The following FBXO10 variants were observed in gnomAD, a reference collection of about 807,000 sequenced individuals.
FBXO10 encodes the protein F-box protein 10.
Under a neutral mutation model 80.7 loss-of-function variants are expected in FBXO10, and 39 were observed. That is an observed-to-expected ratio of 0.48 (90% CI 0.37 to 0.63). The LOEUF (loss-of-function observed/expected upper bound fraction) is 0.63, where lower values mean the gene tolerates loss of function less well. Ranked by LOEUF, FBXO10 falls within the 30% of genes least tolerant of loss-of-function variation. The probability of loss-of-function intolerance (pLI) is 0.00; values close to 1 mark genes in which losing one functional copy is unlikely to be tolerated. For synonymous variants in FBXO10, 449 were observed against 489.6 expected, an observed-to-expected ratio of 0.92 and a Z score of 1.09; for missense variants, 1,025 against 1,269.0, an observed-to-expected ratio of 0.81 and a Z score of 2.92.
intron 8 of FBXO10, among the ~76,000 whole-genome samples, chr9:37,519,890 T>C (rs1821283687): frequency 7.1e-6 from 1 of 141,772 alleles, no homozygotes; most frequent in Admixed American, 7.2e-5. Context: ...CCATCATAGC[T>C]CACTGCAACC....
rs1420436362 is a variant in FBXO10, at chr9:37,512,107, G to A, written c.*440C>T. On this transcript the variant is annotated 3_prime_UTR_variant, in exon 11 of 11. Transcript: ENST00000432825. ...GGGTCCCTGGAGGGATTGAGAGGGA[G>A]ACAGCTCTAGCAAAGGGGAAAATTC... 1 of 153,024 alleles carries A rather than the reference G, an allele frequency of 6.5e-6. No individual in the cohort carries two copies. The highest frequency in any genetic ancestry group is 1.5e-5 in the Non-Finnish European group (1 of 68,700). The allele number at this position is 153,024 out of a possible 1,614,324, so 9.5% of individuals were successfully genotyped here. A position where few individuals can be genotyped will look rare whatever the true frequency, so the allele number is the denominator to read the frequency against.
chr9:37,518,120 C>G lies in FBXO10; in HGVS notation c.2514+5G>C. The G allele has an allele frequency of 6.2e-7, 1 of 1,608,324 alleles. No homozygotes were observed. The highest frequency in any genetic ancestry group is 8.5e-7 in the Non-Finnish European group (1 of 1,176,882). On this transcript the variant is annotated splice_donor_5th_base_variant and intron_variant, in intron 9 of 10. Transcript: ENST00000432825. ...CACACGTCACACACATGCAGACATA[C>G]TCACTTTAGTGTCGGACCTGGGCAG...
At position 37,527,125 on chromosome 9, in the gene FBXO10, A is replaced by G. The variant is rs1821497347; in HGVS notation, c.1707-1953T>C. ...CTCGGCCTCCCAAAGTGTTGGGATTACAGGCATGAGGCACCGCCCCGGCCC... is the reference window on the plus strand; with the variant it reads ...CTCGGCCTCCCAAAGTGTTGGGATTGCAGGCATGAGGCACCGCCCCGGCCC... On this transcript the variant is annotated intron_variant, in intron 5 of 10. Coordinates refer to ENST00000432825, the MANE Select transcript of FBXO10 (RefSeq NM_012166.3). 2.0e-5 allele frequency among the ~76,000 whole-genome samples: 3 copies of G among 152,164 alleles called. No homozygotes were observed. The South Asian group carries it at 6.2e-4, about 32-fold the overall frequency.
chr9:37,530,841 A>G (rs1821603018), intron 4 of FBXO10, among the ~76,000 whole-genome samples: 1 of 152,002 alleles, frequency 6.6e-6, no homozygotes, highest in South Asian at 2.1e-4. Flanking sequence ...GGGTCTTGCT[A>G]TGTTGCCCAG....
chr9:37,548,938 CGGGG>C (rs1563882837), intron 1 of FBXO10, among the ~76,000 whole-genome samples: 1 of 152,046 alleles, frequency 6.6e-6, no homozygotes, highest in African/African-American at 2.4e-5. Context: ...TTAGTACAGA[CGGGG>C]TTTCACCGTA....
At chr9:37,532,709 G>T (rs1821661112) in intron 3 of FBXO10, among the ~76,000 whole-genome samples, 1 of 152,158 alleles carries the variant, frequency 6.6e-6, no homozygotes, top group Non-Finnish European at 1.5e-5. Flanking sequence ...TTCAGAACCT[G>T]CAAGCAGCAT....
intron 3 of FBXO10, among the ~76,000 whole-genome samples, chr9:37,536,667 G>A (rs1276095575): frequency 3.3e-5 from 5 of 152,046 alleles, no homozygotes; most frequent in Admixed American, 3.3e-4. Context: ...CTTATCACGT[G>A]TCCAATTTTC....
intron 1 of FBXO10, among the ~76,000 whole-genome samples, chr9:37,557,077 G>A (rs891700870): frequency 6.6e-6 from 1 of 152,204 alleles, no homozygotes; most frequent in Non-Finnish European, 1.5e-5. Context: ...GCTACAGGGT[G>A]CCTACATTAT....
At position 37,518,412 on chromosome 9, in the gene FBXO10, C is replaced by T. The variant is rs866735793; in HGVS notation, c.2227G>A (p.Glu743Lys). 8 of 1,607,844 alleles carry T rather than the reference C, an allele frequency of 5.0e-6. No individual in the cohort carries two copies. The highest frequency in any genetic ancestry group is 2.7e-5 in the African/African-American group (2 of 74,980). The change falls in exon 9 of 11, where the codon GAG becomes AAG. Residue 743 changes from glutamate to lysine, a missense_variant. By Grantham distance (56) the Glu-to-Lys change is moderately conservative (BLOSUM62 1). This residue lies in a region of FBXO10 where 478 missense variants were observed against 667.8 expected (regional missense o/e 0.72). Coordinates refer to ENST00000432825, the MANE Select transcript of FBXO10 (RefSeq NM_012166.3). ...ACATTGGTGATGACATGCAGTGCCT[C>T]GCTGCTCTGGACATAGAGTCCTGAG... Reference protein sequence around the residue: ...GASGLYVQSSEALHVITNVIH... With the variant: ...GASGLYVQSSKALHVITNVIH...
intron 8 of FBXO10, among the ~76,000 whole-genome samples, 161 bp from the exon 9 acceptor site, chr9:37,518,599 T>C (rs184677929): frequency 3.9e-4 from 59 of 152,284 alleles, no homozygotes; most frequent in Non-Finnish European, 7.1e-4. Context: ...TCTTCCAAGC[T>C]GATGAAACAG....
intron 6 of FBXO10, 32 bp from the exon 7 acceptor site, chr9:37,523,009 C>A: frequency 6.4e-7 from 1 of 1,574,004 alleles, no homozygotes; most frequent in East Asian, 2.4e-5. Flanking sequence ...AAGGTCAGTA[C>A]CCAAGGGCCA....
chr9:37,519,922 C>G (rs1435126186), intron 8 of FBXO10, among the ~76,000 whole-genome samples: 2 of 152,110 alleles, frequency 1.3e-5, no homozygotes, highest in Non-Finnish European at 2.9e-5. Flanking sequence ...GTCCTGAGCT[C>G]AAGCATCCTC....
intron 8 of FBXO10, among the ~76,000 whole-genome samples, chr9:37,518,913 C>CTTTTT (rs397953415): frequency 7.1e-6 from 1 of 141,316 alleles, no homozygotes; most frequent in Non-Finnish European, 1.5e-5. Context: ...GGGAAATTTT[C>CTTTTT]TTTTTTTTTT....
rs766842946 is a variant in FBXO10, at chr9:37,512,690, C to G, written c.2728G>C (p.Ala910Pro). 1 of 1,613,918 alleles carries G rather than the reference C, an allele frequency of 6.2e-7. No homozygotes were observed. Among genetic ancestry groups the G allele is most frequent in the Admixed American group, 1.7e-5 (1 of 60,012 alleles). Residue 910 changes from alanine to proline, a missense_variant, in exon 11 of 11, where the codon GCA becomes CCA. Around this residue, in one of 3 missense-constraint regions of FBXO10, gnomAD observed 97 missense variants for 101.8 expected, o/e 0.95. Transcript: ENST00000432825. ...SDTWRLVNPP[A>P]RPHLENSLRR... ...AGAGAATTTTCAAGGTGGGGCCGTG[C>G]TGGTGGGTTCACCAGGCGCCACGTA... is the stretch of plus-strand genomic sequence containing the variant.
intron 2 of FBXO10, among the ~76,000 whole-genome samples, chr9:37,539,368 T>C (rs559884774): frequency 6.6e-6 from 1 of 152,370 alleles, no homozygotes; most frequent in South Asian, 2.1e-4. Flanking sequence ...CTTTGCATTT[T>C]TCAGGCAAAG....
chr9:37,535,365 T>A (rs1821732693), intron 3 of FBXO10, among the ~76,000 whole-genome samples: 1 of 149,830 alleles, frequency 6.7e-6, no homozygotes, highest in South Asian at 2.2e-4. Flanking sequence ...ATTTTTTTTT[T>A]GGAGACGGAG....
At chr9:37,550,484 C>CT (rs1244919357) in intron 1 of FBXO10, among the ~76,000 whole-genome samples, 3,807 of 120,434 alleles carry the variant, frequency 0.032, 114 homozygotes, top group African/African-American at 0.09. Context: ...TGCACCTGGC[C>CT]TTTTTTTTTT....
At chr9:37,543,826 G>A (rs907534819) in intron 1 of FBXO10, among the ~76,000 whole-genome samples, 2 of 152,200 alleles carry the variant, frequency 1.3e-5, no homozygotes, top group Non-Finnish European at 2.9e-5. Context: ...CAAGTCTCTA[G>A]ACAACTAGAA....
chr9:37,537,374 C>T lies in FBXO10; in HGVS notation c.1155G>A (p.Leu385=). The T allele has an allele frequency of 6.3e-7, 1 of 1,596,824 alleles. No homozygotes were observed. The highest frequency in any genetic ancestry group is 8.5e-7 in the Non-Finnish European group (1 of 1,171,204). The change falls in exon 3 of 11, where the codon TTG becomes TTA. Residue 385 remains leucine (L), a synonymous_variant. Coordinates refer to ENST00000432825, the MANE Select transcript of FBXO10 (RefSeq NM_012166.3). ...GAGGTGGGCCCAGAAATGAGCCCCCCAATACAGGGCGTGGGCCCTGCACTT... is the reference window on the plus strand; with the variant it reads ...GAGGTGGGCCCAGAAATGAGCCCCCTAATACAGGGCGTGGGCCCTGCACTT... The part of the protein sequence containing the change: ...SYQVQGPRPV[L]GGSFLGPPLP...
Sources: allele counts gnomAD v4.1 joint callset (sites outside exome capture counted in the v4.1 genomes callset), GRCh38; gene constraint gnomAD v4.1.1; regional missense constraint gnomAD v4.1.1; transcripts MANE v1.5; gene names NCBI Gene and HGNC (gene_info 2026-07-23, HGNC 2026-07-21).